Variants in SLC2A14 observed in about 807,000 individuals in gnomAD.
SLC2A14 encodes the protein solute carrier family 2, facilitated glucose transporter member 14.
In SLC2A14, 13 loss-of-function variants were observed where a neutral mutation model predicts 43.0. The ratio of observed to expected loss-of-function variants is 0.30; its 90% CI spans 0.20 to 0.48. The LOEUF is 0.48. Among genes scored for constraint, SLC2A14 ranks in the 20% least tolerant of loss-of-function variants. The pLI is 0.99. For missense variants in SLC2A14, 428 were observed against 620.4 expected (o/e 0.69, Z 3.29); for synonymous variants, 190 against 233.8 (o/e 0.81, Z 1.71).
intron 2 of SLC2A14, among the ~76,000 whole-genome samples, chr12:7,838,146 G>A (rs1180173446): frequency 6.8e-6 from 1 of 147,668 alleles, no homozygotes; most frequent in African/African-American, 2.5e-5. Context: ...GGAGTGCAGT[G>A]CCGAGATCTT....
intron 2 of SLC2A14, among the ~76,000 whole-genome samples, chr12:7,866,370 T>C (rs1036010966): frequency 1.3e-5 from 2 of 151,956 alleles, no homozygotes; most frequent in Non-Finnish European, 2.9e-5. Flanking sequence ...AATTTTTTCT[T>C]TTTACTTTGA....
chr12:7,840,251 T>C (rs1222765013), intron 2 of SLC2A14, among the ~76,000 whole-genome samples: 1 of 142,756 alleles, frequency 7.0e-6, no homozygotes, highest in East Asian at 2.3e-4. Context: ...GGAGCAACAG[T>C]CGCCATCTTA....
Position 7,817,946 on chromosome 12 carries a change from C to G in SLC2A14, c.1160G>C (p.Trp387Ser). Residue 387 changes from tryptophan to serine, a missense_variant, in exon 10 of 11, where the codon TGG (tryptophan) becomes TCG (serine). By Grantham distance (177) the Trp-to-Ser change is radical (BLOSUM62 -3). Coordinates refer to ENST00000431042, the MANE Select transcript of SLC2A14 (RefSeq NM_001286234.2). ...GCTGAAGAGTTCGGCCACAATAAAC[C>G]AGGGAATGGGGCCTGGTCCAATTTC... ...CFEIGPGPIP[W>S]FIVAELFSQG... The G allele has an allele frequency of 6.2e-7, 1 of 1,614,162 alleles. No individual in the cohort carries two copies. Among genetic ancestry groups the G allele is most frequent in the Non-Finnish European group, 8.5e-7 (1 of 1,180,038 alleles).
In SLC2A14 at chr12:7,881,604, C is replaced by T. The variant is rs112001961; in HGVS notation, c.132+9392G>A. 9.2e-5 allele frequency among the ~76,000 whole-genome samples: 14 copies of T among 152,260 alleles called. No homozygotes were observed. The South Asian group carries it at 1.0e-3, about 11-fold the overall frequency. On this transcript the variant is annotated intron_variant, in intron 1 of 9. Transcript: ENST00000539924. ...GGCTCCTGAGCCTCCCCGACAAGCGCGGCCTCCTGCTCCACGCGCCCAGTC... is the reference window on the plus strand; with the variant it reads ...GGCTCCTGAGCCTCCCCGACAAGCGTGGCCTCCTGCTCCACGCGCCCAGTC...
intron 1 of SLC2A14, among the ~76,000 whole-genome samples, chr12:7,883,362 G>A (rs1343390608): frequency 6.8e-6 from 1 of 147,990 alleles, no homozygotes; most frequent in South Asian, 2.1e-4. Flanking sequence ...AGCCTCCTGG[G>A]TTCACGCCAT....
intron 2 of SLC2A14, among the ~76,000 whole-genome samples, chr12:7,844,580 A>G (rs1866301960): frequency 1.3e-5 from 2 of 149,904 alleles, no homozygotes; most frequent in South Asian, 4.2e-4. Flanking sequence ...TCTGTCACCC[A>G]GGCTGGAGTT....
At chr12:7,831,980 TG>T (rs780409984) in intron 3 of SLC2A14, among the ~76,000 whole-genome samples, 200 of 152,298 alleles carry the variant, frequency 1.3e-3, no homozygotes, top group South Asian at 2.1e-3. Flanking sequence ...TGGTGGCGCA[TG>T]CCTGTAATCC....
intron 10 of SLC2A14, among the ~76,000 whole-genome samples, chr12:7,816,067 A>G (rs1030560465): frequency 6.9e-6 from 1 of 144,340 alleles, no homozygotes; most frequent in Non-Finnish European, 1.5e-5. Flanking sequence ...CACCCAGCTA[A>G]TTTCTTGAAT....
intron 7 of SLC2A14, among the ~76,000 whole-genome samples, chr12:7,826,862 T>TCCTTCCTTCCTTCCTTCCTTCC (rs869102115): frequency 1.4e-3 from 42 of 30,846 alleles, no homozygotes; most frequent in Non-Finnish European, 2.3e-3. Context: ...TCCTTTCTTT[T>TCCTTCCTTCCTTCCTTCCTTCC]TTCTTTCTTT....
At chr12:7,864,723 C>T (rs893166381) in intron 2 of SLC2A14, among the ~76,000 whole-genome samples, 21 of 152,136 alleles carry the variant, frequency 1.4e-4, no homozygotes, top group African/African-American at 5.1e-4. Flanking sequence ...AATGCTATGA[C>T]GTTGGAACTG....
intron 1 of SLC2A14, chr12:7,871,026 G>T: frequency 7.0e-7 from 1 of 1,433,538 alleles, no homozygotes. Flanking sequence ...AGCACGACAA[G>T]CTGGCTTCAC....
intron 2 of SLC2A14, among the ~76,000 whole-genome samples, chr12:7,859,376 C>G (rs1200836223): frequency 6.6e-6 from 1 of 151,330 alleles, no homozygotes; most frequent in Non-Finnish European, 1.5e-5. Context: ...GGTGACAGAG[C>G]AAGACTCCGC....
At chr12:7,867,297 A>AC (rs1269502883) in intron 2 of SLC2A14, among the ~76,000 whole-genome samples, 4 of 119,160 alleles carry the variant, frequency 3.4e-5, no homozygotes, top group Non-Finnish European at 7.0e-5. Flanking sequence ...AAAAAAAAAA[A>AC]AAACAAAAAA....
At chr12:7,844,942 C>T (rs761633386) in intron 2 of SLC2A14, among the ~76,000 whole-genome samples, 54 of 152,240 alleles carry the variant, frequency 3.5e-4, no homozygotes, top group Middle Eastern at 3.4e-3. Context: ...ATCCTCAAAA[C>T]TTTTGTGGTA....
At chr12:7,849,222 A>G (rs1187649405) in intron 2 of SLC2A14, among the ~76,000 whole-genome samples, 1 of 151,378 alleles carries the variant, frequency 6.6e-6, no homozygotes, top group Non-Finnish European at 1.5e-5. Context: ...ACATCCATAC[A>G]TTGGGCGTGG....
Position 7,848,922 on chromosome 12 carries a change from T to C in SLC2A14, c.19-16108A>G, listed in dbSNP as rs781329428. On this transcript the variant is annotated intron_variant, in intron 2 of 10. Transcript: ENST00000431042. ...TCCAGGCTGGAGTGCAGTGGTGCGA[T>C]CTGGGCTCACTGGACTCCGCTTCCC... Among the ~76,000 whole-genome samples, 3 of 151,326 alleles carry C rather than the reference T, an allele frequency of 2.0e-5. No homozygotes were observed. In the East Asian group the frequency reaches 5.9e-4, roughly 30 times the overall value.
At chr12:7,832,144 AT>A (rs1254286583) in intron 3 of SLC2A14, among the ~76,000 whole-genome samples, 2 of 152,190 alleles carry the variant, frequency 1.3e-5, no homozygotes, top group Non-Finnish European at 2.9e-5. Flanking sequence ...ATTAGGGATC[AT>A]TTCCTCCCTA....
chr12:7,816,101 T>A (rs868382853), intron 10 of SLC2A14, among the ~76,000 whole-genome samples: 2,548 of 48,536 alleles, frequency 0.052, 642 homozygotes, highest in African/African-American at 0.19. Context: ...TTTTTTTATT[T>A]TTTTTATTTT....
intron 1 of SLC2A14, among the ~76,000 whole-genome samples, chr12:7,884,922 C>A (rs1212612974): frequency 1.3e-5 from 2 of 151,938 alleles, no homozygotes; most frequent in Admixed American, 1.3e-4. Context: ...ACCCTGGCAA[C>A]AATATTGTTC....
Sources: gnomAD v4.1 joint callset for allele counts (sites outside exome capture counted in the v4.1 genomes callset) on GRCh38, gnomAD v4.1.1 for gene constraint, MANE v1.5 for transcripts, NCBI Gene and HGNC (gene_info 2026-07-23, HGNC 2026-07-21) for gene names.